Variants in ARHGEF38 observed in about 807,000 individuals in gnomAD.
The protein encoded by ARHGEF38 is Rho guanine nucleotide exchange factor 38.
A neutral mutation model predicts 79.9 loss-of-function variants in ARHGEF38; 79 were observed. That is an observed-to-expected ratio of 0.99 (90% CI 0.82 to 1.19). The LOEUF is 1.19. ARHGEF38 is among the 50% of genes most tolerant of loss of function. The pLI, the probability that ARHGEF38 is intolerant of heterozygous loss-of-function variation, is 0.00. For missense variants in ARHGEF38, 962 were observed against 907.2 expected, an observed-to-expected ratio of 1.06 and a Z score of -0.78; for synonymous variants, 366 against 328.3, an observed-to-expected ratio of 1.11 and a Z score of -1.24.
chr4:105,649,406 T>A (rs1337530471), intron 7 of ARHGEF38, among the ~76,000 whole-genome samples: 1 of 152,202 alleles, frequency 6.6e-6, no homozygotes, highest in Admixed American at 6.5e-5. Flanking sequence ...TAGAAGTCTG[T>A]ATTTTTGCAA....
chr4:105,558,423 T>C (rs1423344893), intron 1 of ARHGEF38, among the ~76,000 whole-genome samples: 4 of 152,282 alleles, frequency 2.6e-5, no homozygotes, highest in African/African-American at 9.6e-5. Context: ...GAGTAGCTCC[T>C]TCCCCTTTAT....
chr4:105,638,799 A>G (rs1729503616), intron 5 of ARHGEF38, among the ~76,000 whole-genome samples: 1 of 152,172 alleles, frequency 6.6e-6, no homozygotes, highest in African/African-American at 2.4e-5. Context: ...ATTGTTTTAT[A>G]CTTGCATAAT....
chr4:105,556,809 G>A (rs1725272886), intron 1 of ARHGEF38, among the ~76,000 whole-genome samples: 1 of 152,114 alleles, frequency 6.6e-6, no homozygotes, highest in African/African-American at 2.4e-5. Flanking sequence ...TGAAATAAGA[G>A]CCATTGTATT....
chr4:105,620,085 G>A (rs1199051158), intron 3 of ARHGEF38, among the ~76,000 whole-genome samples: 2 of 152,198 alleles, frequency 1.3e-5, no homozygotes, highest in Admixed American at 6.6e-5. Context: ...TATGCTTGCA[G>A]ATCTGAGAGC....
At position 105,561,479 on chromosome 4, in the gene ARHGEF38, A is replaced by AGAATG. The variant is rs1560684620; in HGVS notation, c.196+8522_196+8523insGGAAT. 7.3e-4 allele frequency: 39 copies of AGAATG among 53,370 alleles called. 1 individual carries two copies. The highest frequency in any genetic ancestry group is 1.3e-3 in the African/African-American group (17 of 12,906). The allele number at this position is 53,370 out of a possible 1,614,324, so 3.3% of individuals were successfully genotyped here. On this transcript the variant is annotated intron_variant, in intron 1 of 13. Transcript: ENST00000420470. ...AGAATAGAATAGAATAGAATAGAATAGAATAGAATAGAATAGAATAGAATA... is the reference window on the plus strand; with the variant it reads ...AGAATAGAATAGAATAGAATAGAATAGAATGGAATAGAATAGAATAGAATAGAATA...
rs1730743492 is a variant in ARHGEF38 at position 105,666,207 on chromosome 4, AT to A, written c.1578del (p.Gln527ArgfsTer5). 6.5e-7 allele frequency: 1 copy of A among 1,530,208 alleles called. No homozygotes were observed. Among genetic ancestry groups the A allele is most frequent in the South Asian group, 1.2e-5 (1 of 82,048 alleles). 94.8% of individuals were successfully genotyped at this position (1,530,208 alleles called of 1,614,324 possible). Reference protein sequence around the residue: ...MPLLVSSISEIQNQVLEEIQN... With the variant: ...MPLLVSSISEXQNQVLEEIQN... Reference sequence around the variant, plus strand: ...ACTGTTGGTTTCAAGCATTTCTGAGATTCAGAATCAAGTACTAGAAGAGATC... The same window carrying A: ...ACTGTTGGTTTCAAGCATTTCTGAGATCAGAATCAAGTACTAGAAGAGATC... On this transcript the variant is annotated frameshift_variant, in exon 11 of 14. Coordinates refer to ENST00000420470, the MANE Select transcript of ARHGEF38 (RefSeq NM_001242729.2). LOFTEE classifies it high-confidence loss of function.
chr4:105,656,217 G>A (rs867936354), intron 9 of ARHGEF38, among the ~76,000 whole-genome samples: 1 of 151,994 alleles, frequency 6.6e-6, no homozygotes, highest in East Asian at 1.9e-4. Flanking sequence ...ACCACACCTA[G>A]AAGATTTTTT....
chr4:105,596,745 T>C (rs1490682838), intron 2 of ARHGEF38, among the ~76,000 whole-genome samples: 1 of 152,196 alleles, frequency 6.6e-6, no homozygotes, highest in Non-Finnish European at 1.5e-5. Context: ...CAGCACGTCA[T>C]GGGAATCTTC....
chr4:105,581,364 C>T (rs1726783253), intron 1 of ARHGEF38, among the ~76,000 whole-genome samples: 1 of 152,116 alleles, frequency 6.6e-6, no homozygotes, highest in Non-Finnish European at 1.5e-5. Context: ...TTGAGCACTT[C>T]AAATAATGTT....
chr4:105,593,784 A>G (rs979081144), intron 2 of ARHGEF38, among the ~76,000 whole-genome samples: 10 of 151,892 alleles, frequency 6.6e-5, no homozygotes, highest in African/African-American at 1.9e-4. Flanking sequence ...ATTTTTCTTT[A>G]CTTGTTTTTG....
At chr4:105,658,701 T>C (rs1404970905) in intron 9 of ARHGEF38, among the ~76,000 whole-genome samples, 1 of 152,132 alleles carries the variant, frequency 6.6e-6, no homozygotes, top group Non-Finnish European at 1.5e-5. Context: ...AAGTGCTGGC[T>C]CTGGGATGAG....
In ARHGEF38 at chr4:105,658,519, A is replaced by G. The variant is rs543117635; in HGVS notation, c.1234-535A>G. 8.5e-5 allele frequency among the ~76,000 whole-genome samples: 13 copies of G among 152,324 alleles called. No homozygotes were observed. In the South Asian group the frequency reaches 2.7e-3, roughly 32 times the overall value. ...GTATAGGGGATATAATTCCACTATC[A>G]AACATAAGCCTCCAGGGTAGCCAGG... On this transcript the variant is annotated intron_variant, in intron 9 of 13. Coordinates refer to ENST00000420470, the MANE Select transcript of ARHGEF38 (RefSeq NM_001242729.2).
intron 2 of ARHGEF38, among the ~76,000 whole-genome samples, chr4:105,594,868 T>A (rs535489913): frequency 6.6e-6 from 1 of 152,204 alleles, no homozygotes; most frequent in Non-Finnish European, 1.5e-5. Context: ...AGGCAAACGT[T>A]ATCCACATCA....
rs778479538 is a variant in ARHGEF38 at position 105,613,399 on chromosome 4, G to T, written c.400G>T (p.Val134Leu). 2 of 1,613,064 alleles carry T rather than the reference G, an allele frequency of 1.2e-6. No homozygotes were observed. The highest frequency in any genetic ancestry group is 8.5e-7 in the Non-Finnish European group (1 of 1,179,334). The stretch of plus-strand genomic sequence containing the variant: ...GTTTCTTCAGACTGATAGGCTGGAT[G>T]TGGATAGCTTGTTTAGCAACATTGA... Reference protein sequence around the residue: ...LRNKKTDRLDVDSLFSNIESV... With the variant: ...LRNKKTDRLDLDSLFSNIESV... Residue 134 changes from valine to leucine, a missense_variant, in exon 3 of 14, where the codon GTG becomes TTG. Coordinates refer to ENST00000420470, the MANE Select transcript of ARHGEF38 (RefSeq NM_001242729.2).
chr4:105,679,872 G>C lies in ARHGEF38; in HGVS notation c.*1935G>C. 1 of 1,428,666 alleles carries C rather than the reference G, an allele frequency of 7.0e-7. No homozygotes were observed. The highest frequency in any genetic ancestry group is 9.8e-7 in the Non-Finnish European group (1 of 1,015,536). 88.5% of individuals were successfully genotyped at this position (1,428,666 alleles called of 1,614,324 possible). ...CTTTGAATCACCAGGTCAACTACAG[G>C]AATGTCCAAACCACGAGGAGCCACA... On this transcript the variant is annotated 3_prime_UTR_variant, in exon 14 of 14. Coordinates refer to ENST00000420470, the MANE Select transcript of ARHGEF38 (RefSeq NM_001242729.2).
intron 5 of ARHGEF38, among the ~76,000 whole-genome samples, chr4:105,639,434 T>C (rs1476275896): frequency 6.6e-6 from 1 of 152,016 alleles, no homozygotes; most frequent in East Asian, 1.9e-4. Context: ...TTTCAGATTT[T>C]GTGTCTGCCT....
intron 1 of ARHGEF38, among the ~76,000 whole-genome samples, chr4:105,568,596 T>C (rs185358155): frequency 6.6e-6 from 1 of 152,374 alleles, no homozygotes; most frequent in African/African-American, 2.4e-5. Context: ...CAAATTCTAA[T>C]ATTCTTTGAT....
chr4:105,579,895 T>C (rs777846965), intron 1 of ARHGEF38, among the ~76,000 whole-genome samples: 11 of 152,152 alleles, frequency 7.2e-5, no homozygotes, highest in Non-Finnish European at 1.5e-5. Context: ...ATTTACTACT[T>C]ACTCAGTTTT....
intron 2 of ARHGEF38, among the ~76,000 whole-genome samples, chr4:105,590,074 AGAAGGAAGGAAGGAAGGAAG>A (rs70941203): frequency 0.014 from 1,555 of 109,554 alleles, 8 homozygotes; most frequent in Middle Eastern, 0.027. Flanking sequence ...AAAGAAAGAA[AGAAGGAAGGAAGGAAGGAAG>A]GAAGGAAGGA....
Sources: allele counts gnomAD v4.1 joint callset (sites outside exome capture counted in the v4.1 genomes callset), GRCh38; gene constraint gnomAD v4.1.1; transcripts MANE v1.5; gene names NCBI Gene and HGNC (gene_info 2026-07-23, HGNC 2026-07-21).